GRIK4: variants seen among roughly 807,000 people sequenced by gnomAD.
GRIK4 encodes the protein glutamate ionotropic receptor kainate type subunit 4, also known as glutamate receptor ionotropic, kainate 4.
In GRIK4, 40 loss-of-function variants were observed where a neutral mutation model predicts 104.9. That is an observed-to-expected ratio of 0.38 (90% CI 0.30 to 0.50). The LOEUF (loss-of-function observed/expected upper bound fraction) is 0.50. GRIK4 is among the 20% of genes least tolerant of loss of function. The pLI is 0.93. For missense variants in GRIK4, 1,047 were observed against 1,308.1 expected (o/e 0.80, Z 3.08); for synonymous variants, 485 against 524.9 (o/e 0.92, Z 1.04).
intron 13 of GRIK4, among the ~76,000 whole-genome samples, chr11:120,926,622 G>A (rs560528391): frequency 3.3e-5 from 5 of 152,304 alleles, no homozygotes; most frequent in African/African-American, 1.2e-4. Flanking sequence ...CTACAAAATC[G>A]TTCCCTCAGT....
intron 11 of GRIK4, among the ~76,000 whole-genome samples, chr11:120,886,319 C>A (rs1233302328): frequency 7.2e-5 from 11 of 152,108 alleles, no homozygotes; most frequent in Non-Finnish European, 1.6e-4. Context: ...TGTGCTTTTT[C>A]TTGGTAATGT....
chr11:120,877,974 C>T (rs565841778), intron 11 of GRIK4, among the ~76,000 whole-genome samples: 3 of 152,330 alleles, frequency 2.0e-5, no homozygotes, highest in South Asian at 4.1e-4. Context: ...GCTGATTAGG[C>T]TCCAAGTACC....
chr11:120,540,847 C>T (rs1258875531), intron 1 of GRIK4, among the ~76,000 whole-genome samples: 1 of 152,106 alleles, frequency 6.6e-6, no homozygotes, highest in Non-Finnish European at 1.5e-5. Context: ...CACGGTGGCT[C>T]ATGCCTGTAA....
chr11:120,765,728 A>T (rs1192300024), intron 3 of GRIK4, among the ~76,000 whole-genome samples: 1 of 152,098 alleles, frequency 6.6e-6, no homozygotes, highest in Non-Finnish European at 1.5e-5. Flanking sequence ...CTCTTCTGCA[A>T]GTCTGCTGGA....
At position 120,986,169 on chromosome 11, in the gene GRIK4, G is replaced by C; in HGVS notation, c.2780G>C (p.Arg927Pro). The C allele has an allele frequency of 5.8e-6, 9 of 1,553,020 alleles. No homozygotes were observed. The highest frequency in any genetic ancestry group is 1.4e-5 in the African/African-American group (1 of 71,078). Residue 927 changes from arginine (R) to proline (P), a missense_variant, in exon 21 of 21, where the codon CGC becomes CCC. Transcript: ENST00000527524. ...THIRVCPECRRFQGLRARPSP... is the reference protein window; with the variant it reads ...THIRVCPECRPFQGLRARPSP... Reference sequence around the variant, plus strand: ...ATCCGCGTCTGCCCCGAGTGCCGCCGCTTCCAGGGCCTGCGGGCACGGCCG... The same window carrying C: ...ATCCGCGTCTGCCCCGAGTGCCGCCCCTTCCAGGGCCTGCGGGCACGGCCG...
intron 3 of GRIK4, among the ~76,000 whole-genome samples, chr11:120,738,484 C>G (rs1044324149): frequency 6.6e-6 from 1 of 152,240 alleles, no homozygotes; most frequent in Non-Finnish European, 1.5e-5. Context: ...GCAGGGCACT[C>G]TGCTTGGAAG....
At chr11:120,860,688 C>T (rs1954238210) in intron 8 of GRIK4, among the ~76,000 whole-genome samples, 1 of 152,234 alleles carries the variant, frequency 6.6e-6, no homozygotes, top group Non-Finnish European at 1.5e-5. Context: ...TCCTCCATGC[C>T]TAGAACCATG....
chr11:120,733,366 T>A (rs996429953), intron 3 of GRIK4, among the ~76,000 whole-genome samples: 4 of 64,252 alleles, frequency 6.2e-5, no homozygotes, highest in Non-Finnish European at 1.1e-4. Context: ...TTTGTTATTT[T>A]TTTTCTGTTT....
chr11:120,796,359 G>A (rs143498498), intron 3 of GRIK4, among the ~76,000 whole-genome samples: 3 of 152,196 alleles, frequency 2.0e-5, no homozygotes, highest in South Asian at 2.1e-4. Context: ...TTCAATCCAC[G>A]GTTGCTTGAA....
At chr11:120,792,957 CA>C (rs1260767460) in intron 3 of GRIK4, among the ~76,000 whole-genome samples, 1 of 152,128 alleles carries the variant, frequency 6.6e-6, no homozygotes, top group Non-Finnish European at 1.5e-5. Context: ...GGCAGAAGAA[CA>C]TACCTGGAGG....
chr11:120,788,106 T>A (rs962203353), intron 3 of GRIK4, among the ~76,000 whole-genome samples: 2 of 151,774 alleles, frequency 1.3e-5, no homozygotes, highest in Admixed American at 1.3e-4. Flanking sequence ...CCTGACCTCA[T>A]GATCTGCCCA....
intron 1 of GRIK4, among the ~76,000 whole-genome samples, chr11:120,563,918 C>A (rs1404917165): frequency 6.6e-6 from 1 of 152,216 alleles, no homozygotes; most frequent in Non-Finnish European, 1.5e-5. Flanking sequence ...GCCCCCTCTC[C>A]AGTGACACTC....
chr11:120,671,390 C>T (rs1950014753), intron 3 of GRIK4, among the ~76,000 whole-genome samples: 1 of 152,214 alleles, frequency 6.6e-6, no homozygotes, highest in African/African-American at 2.4e-5. Context: ...TTAATGATCG[C>T]CATTCTAACT....
In GRIK4 at chr11:120,953,109, TG is replaced by T; in HGVS notation, c.1700+150del. 1 of 626,268 alleles carries T rather than the reference TG, an allele frequency of 1.6e-6. No homozygotes were observed. Among genetic ancestry groups the T allele is most frequent in the African/African-American group, 1.8e-5 (1 of 54,690 alleles). 38.8% of individuals were successfully genotyped at this position (626,268 alleles called of 1,614,324 possible). ...CAAACTAGAAGGACAGGAGAAGGAC[TG>T]GGGGCCTGAAATGCTCTCTGCCCAG... On this transcript the variant is annotated intron_variant, in intron 15 of 20. Transcript: ENST00000527524. This position sits in a 1 kb window ranked among gnomAD's most constrained non-coding sequence, Gnocchi z 4.9.
chr11:120,908,458 C>G (rs76920792), intron 13 of GRIK4, among the ~76,000 whole-genome samples: 5 of 139,228 alleles, frequency 3.6e-5, no homozygotes, highest in East Asian at 2.2e-4. Flanking sequence ...CACACACACA[C>G]ACAGAGAGAT....
intron 3 of GRIK4, among the ~76,000 whole-genome samples, chr11:120,778,277 A>ATGTAGGAGTAGTAGG (rs1245524508): frequency 2.0e-5 from 3 of 152,214 alleles, no homozygotes; most frequent in Non-Finnish European, 4.4e-5. Context: ...TAGGAGTTGA[A>ATGTAGGAGTAGTAGG]AAGTGTCTTT....
chr11:120,707,639 C>T (rs1217152271), intron 3 of GRIK4, among the ~76,000 whole-genome samples: 2 of 152,204 alleles, frequency 1.3e-5, no homozygotes, highest in Admixed American at 6.5e-5. Flanking sequence ...CAAATCTTTA[C>T]TTTGGGCAAG....
intron 1 of GRIK4, among the ~76,000 whole-genome samples, chr11:120,627,659 C>A (rs1243400742): frequency 6.6e-6 from 1 of 152,184 alleles, no homozygotes; most frequent in Non-Finnish European, 1.5e-5. Flanking sequence ...TGCCCCCTCC[C>A]TGAAGGGCCT....
At chr11:120,750,403 G>A (rs529508699) in intron 3 of GRIK4, among the ~76,000 whole-genome samples, 19 of 132,048 alleles carry the variant, frequency 1.4e-4, no homozygotes, top group East Asian at 1.3e-3. Context: ...GTCTCGCTCC[G>A]TGGTCCAGGC....
Sources: allele counts gnomAD v4.1 joint callset (sites outside exome capture counted in the v4.1 genomes callset), GRCh38; gene constraint gnomAD v4.1.1; non-coding constraint Gnocchi (gnomAD v3.1); transcripts MANE v1.5; gene names NCBI Gene and HGNC (gene_info 2026-07-23, HGNC 2026-07-21).